ATP9B: variants seen among roughly 807,000 people sequenced by gnomAD.
ATP9B encodes probable phospholipid-transporting ATPase IIB.
A neutral mutation model predicts 146.1 loss-of-function variants in ATP9B; 110 were observed. The ratio of observed to expected loss-of-function variants is 0.75; its 90% confidence interval spans 0.65 to 0.88. The LOEUF is 0.88. Ranked by LOEUF, ATP9B falls within the 40% of genes least tolerant of loss-of-function variation. The pLI, the probability that ATP9B is intolerant of heterozygous loss-of-function variation, is 0.00. For synonymous variants in ATP9B, 604 were observed against 569.7 expected (o/e 1.06, Z -0.86); for missense variants, 1,499 against 1,496.4 (o/e 1.00, Z -0.03).
chr18:79,287,328 C>T (rs2096455216), intron 13 of ATP9B, among the ~76,000 whole-genome samples: 1 of 152,314 alleles, frequency 6.6e-6, no homozygotes, highest in African/African-American at 2.4e-5. Flanking sequence ...GATTCAACTT[C>T]TTCCTGGTTT....
At chr18:79,294,818 G>C (rs962754493) in intron 13 of ATP9B, among the ~76,000 whole-genome samples, 2 of 152,168 alleles carry the variant, frequency 1.3e-5, no homozygotes, top group Non-Finnish European at 2.9e-5. Flanking sequence ...AGCGCCAAGA[G>C]GAGTGAAGTG....
chr18:79,192,401 C>T (rs2095375437), intron 8 of ATP9B, among the ~76,000 whole-genome samples: 2 of 152,152 alleles, frequency 1.3e-5, no homozygotes, highest in Non-Finnish European at 2.9e-5. Context: ...ACTCCCAGGA[C>T]TCAGCATATG....
At chr18:79,302,878 A>T (rs2096600225) in intron 13 of ATP9B, among the ~76,000 whole-genome samples, 1 of 152,226 alleles carries the variant, frequency 6.6e-6, no homozygotes, top group South Asian at 2.1e-4. Context: ...TAAAAAATTA[A>T]TGGACACCCT....
At chr18:79,329,082 C>T (rs931059420) in intron 15 of ATP9B, 59 bp from the exon 16 acceptor site, 8 of 1,432,816 alleles carry the variant, frequency 5.6e-6, no homozygotes, top group African/African-American at 1.4e-5. Context: ...CGTGCTGGCT[C>T]GCCTGCGTGC....
chr18:79,129,068 T>C (rs2094335416), intron 5 of ATP9B, among the ~76,000 whole-genome samples: 1 of 152,198 alleles, frequency 6.6e-6, no homozygotes, highest in Non-Finnish European at 1.5e-5. Context: ...GGGTTGACCC[T>C]AGGTGCTTGT....
chr18:79,327,664 C>CGTGCTCTCCATGGATAGT, intron 15 of ATP9B, among the ~76,000 whole-genome samples: 1 of 141,058 alleles, frequency 7.1e-6, no homozygotes. Context: ...CCGTGTTTAG[C>CGTGCTCTCCATGGATAGT]GTGCTCTCCG....
chr18:79,142,117 G>C (rs373932843), intron 5 of ATP9B, among the ~76,000 whole-genome samples: 25 of 152,228 alleles, frequency 1.6e-4, no homozygotes, highest in African/African-American at 5.8e-4. Flanking sequence ...TTTGTTCATT[G>C]TGTAATAGCA....
At chr18:79,143,779 A>C (rs1198639932) in intron 5 of ATP9B, 23 bp from the exon 6 acceptor site, 2 of 1,519,880 alleles carry the variant, frequency 1.3e-6, no homozygotes. Flanking sequence ...CCTTGAGTTG[A>C]CTGTACTTCT....
intron 8 of ATP9B, among the ~76,000 whole-genome samples, chr18:79,187,875 G>A (rs2095323342): frequency 6.6e-6 from 1 of 152,100 alleles, no homozygotes; most frequent in African/African-American, 2.4e-5. Flanking sequence ...TAGTAAATAT[G>A]TCTTCTAGAA....
At chr18:79,078,607 C>CT (rs933858768) in intron 1 of ATP9B, among the ~76,000 whole-genome samples, 6 of 148,926 alleles carry the variant, frequency 4.0e-5, no homozygotes, top group Admixed American at 1.3e-4. Context: ...TTTTTAACAG[C>CT]TTTTTTGATA....
At chr18:79,101,017 A>G (rs1209772451) in intron 2 of ATP9B, among the ~76,000 whole-genome samples, 1 of 152,080 alleles carries the variant, frequency 6.6e-6, no homozygotes, top group Non-Finnish European at 1.5e-5. Context: ...AAACCATATC[A>G]GGTTTCTTGT....
intron 9 of ATP9B, among the ~76,000 whole-genome samples, 175 bp from the exon 10 acceptor site, chr18:79,206,762 C>A (rs1224466379): frequency 6.6e-6 from 1 of 151,962 alleles, no homozygotes; most frequent in Non-Finnish European, 1.5e-5. Flanking sequence ...GTTCTTTGAA[C>A]TTGTACTTTC....
rs1020777873 is a variant in ATP9B, at chr18:79,328,036, G to C, written c.1774-1105G>C. On this transcript the variant is annotated intron_variant, in intron 15 of 29. Coordinates refer to ENST00000426216, the MANE Select transcript of ATP9B (RefSeq NM_198531.5). ...GCTCTCCGTGGTTAGCGTGCTCTCCGTGGTTAGCGTGCTCTCTCTGGTTAG... is the reference window on the plus strand; with the variant it reads ...GCTCTCCGTGGTTAGCGTGCTCTCCCTGGTTAGCGTGCTCTCTCTGGTTAG... Among the ~76,000 whole-genome samples the C allele has an allele frequency of 1.0e-4, 15 of 148,042 alleles. No individual in the cohort carries two copies. The East Asian group carries it at 1.6e-3, about 16-fold the overall frequency.
chr18:79,330,359 C>T (rs140903065), intron 17 of ATP9B, among the ~76,000 whole-genome samples: 121 of 151,940 alleles, frequency 8.0e-4, no homozygotes, highest in African/African-American at 2.9e-3. Flanking sequence ...TAAGTGCTTG[C>T]AGTTCTCAAT....
At chr18:79,143,553 G>A (rs374626511) in intron 5 of ATP9B, among the ~76,000 whole-genome samples, 2 of 152,170 alleles carry the variant, frequency 1.3e-5, no homozygotes, top group African/African-American at 4.8e-5. Context: ...TCTTCTGAGT[G>A]TAGTCCCCTT....
intron 13 of ATP9B, among the ~76,000 whole-genome samples, chr18:79,286,480 C>T (rs1037839699): frequency 8.1e-4 from 124 of 152,158 alleles, no homozygotes; most frequent in Non-Finnish European, 1.4e-3. Flanking sequence ...TATCCTGAGA[C>T]TTTGCTGAAG....
At chr18:79,313,602 A>G (rs2096664224) in intron 15 of ATP9B, among the ~76,000 whole-genome samples, 1 of 152,176 alleles carries the variant, frequency 6.6e-6, no homozygotes, top group East Asian at 1.9e-4. Context: ...CTTATTCCAC[A>G]TTTTTTATTC....
chr18:79,082,213 A>G (rs1363476215), intron 1 of ATP9B, among the ~76,000 whole-genome samples: 1 of 152,164 alleles, frequency 6.6e-6, no homozygotes. Flanking sequence ...ATACTTGTGT[A>G]TGCTTCATGA....
intron 7 of ATP9B, among the ~76,000 whole-genome samples, chr18:79,156,224 G>A (rs1368433342): frequency 6.6e-6 from 1 of 152,152 alleles, no homozygotes. Flanking sequence ...TTTCCCAACT[G>A]TGGCAGGGAC....
Sources: gnomAD v4.1 joint callset for allele counts (sites outside exome capture counted in the v4.1 genomes callset) on GRCh38, gnomAD v4.1.1 for gene constraint, MANE v1.5 for transcripts, NCBI Gene and HGNC (gene_info 2026-07-23, HGNC 2026-07-21) for gene names.